Variants in ABCC12 observed in about 807,000 individuals in gnomAD.
The protein encoded by ABCC12 is ATP binding cassette subfamily C member 12.
In ABCC12, 142 loss-of-function variants were observed where a neutral mutation model predicts 151.1. The ratio of observed to expected loss-of-function variants is 0.94; its 90% CI spans 0.82 to 1.08. The LOEUF is 1.08. Ranked by LOEUF, ABCC12 falls within the 50% of genes least tolerant of loss-of-function variation. The pLI, the probability that ABCC12 is intolerant of heterozygous loss-of-function variation, is 0.00. For missense variants in ABCC12, 1,638 were observed against 1,691.1 expected, an observed-to-expected ratio of 0.97 and a Z score of 0.55; for synonymous variants, 645 against 646.4, an observed-to-expected ratio of 1.00 and a Z score of 0.03.
chr16:48,102,752 C>T (rs948276028), intron 22 of ABCC12, among the ~76,000 whole-genome samples: 1 of 152,214 alleles, frequency 6.6e-6, no homozygotes, highest in Non-Finnish European at 1.5e-5. Context: ...ACATCCGAAA[C>T]TAAACTCGTA....
chr16:48,084,434 C>T (rs2150576800), intron 29 of ABCC12, among the ~76,000 whole-genome samples: 1 of 151,132 alleles, frequency 6.6e-6, no homozygotes, highest in South Asian at 2.1e-4. Context: ...CATTCATTCC[C>T]TATATTGCTG....
At chr16:48,137,751 T>A (rs1187335543) in intron 8 of ABCC12, among the ~76,000 whole-genome samples, 1 of 152,178 alleles carries the variant, frequency 6.6e-6, no homozygotes, top group Non-Finnish European at 1.5e-5. Flanking sequence ...ATATCAGCTT[T>A]AAAAAAAGTA....
chr16:48,140,956 C>G (rs372449698), intron 5 of ABCC12, 36 bp from the exon 6 acceptor site: 23 of 1,582,916 alleles, frequency 1.5e-5, no homozygotes, highest in East Asian at 2.2e-5. Context: ...GAGAGGGCCA[C>G]TGAGGGCTGA....
chr16:48,150,469 T>A (rs998350375), intron 2 of ABCC12, among the ~76,000 whole-genome samples: 8 of 152,120 alleles, frequency 5.3e-5, no homozygotes, highest in Non-Finnish European at 1.0e-4. Context: ...TATGATAAAT[T>A]GAGAGGAGGG....
intron 8 of ABCC12, among the ~76,000 whole-genome samples, chr16:48,136,496 C>T (rs574982803): frequency 1.6e-4 from 25 of 152,236 alleles, no homozygotes; most frequent in Non-Finnish European, 3.1e-4. Context: ...CTGATGTCTA[C>T]TACATGCCAG....
In ABCC12 at chr16:48,124,158, C is replaced by T. The variant is rs548914493; in HGVS notation, c.1587+55G>A. 2.6e-5 allele frequency: 41 copies of T among 1,568,120 alleles called. 1 individual carries two copies. In the South Asian group the frequency reaches 4.0e-4, roughly 15 times the overall value. ...GGGTCCACGCCTGACCGGAAGGGAG[C>T]CATTTCATTGTCATGTTAATGTTCC... On this transcript the variant is annotated intron_variant, in intron 12 of 30. Transcript: ENST00000311303.
chr16:48,126,249 T>G (rs994352718), intron 11 of ABCC12, among the ~76,000 whole-genome samples: 11 of 152,178 alleles, frequency 7.2e-5, no homozygotes, highest in African/African-American at 2.7e-4. Context: ...TTGGCTGCCC[T>G]TTGAGTCCTA....
intron 2 of ABCC12, among the ~76,000 whole-genome samples, chr16:48,149,234 G>A (rs1965083679): frequency 1.9e-5 from 2 of 102,860 alleles, no homozygotes; most frequent in Admixed American, 1.0e-4. Flanking sequence ...ACACTAAATA[G>A]TAGATTAACC....
chr16:48,088,459 C>G (rs923295149), intron 26 of ABCC12, 86 bp downstream of exon 26: 22 of 1,440,572 alleles, frequency 1.5e-5, no homozygotes, highest in Non-Finnish European at 2.1e-5. Flanking sequence ...ACATACACAT[C>G]ACTCTCTGGT....
intron 11 of ABCC12, among the ~76,000 whole-genome samples, chr16:48,126,764 A>T (rs1964253102): frequency 6.6e-6 from 1 of 152,186 alleles, no homozygotes; most frequent in East Asian, 1.9e-4. Flanking sequence ...GAGGCATTGC[A>T]TTGCCCCCAC....
intron 18 of ABCC12, among the ~76,000 whole-genome samples, chr16:48,109,885 C>CT (rs760662314): frequency 2.6e-5 from 4 of 152,206 alleles, no homozygotes; most frequent in African/African-American, 7.2e-5. Flanking sequence ...GCAGTGTTGT[C>CT]TTTAACCAGT....
chr16:48,111,717 C>T, intron 16 of ABCC12, 55 bp from the exon 17 acceptor site: 1 of 1,613,984 alleles, frequency 6.2e-7, no homozygotes, highest in Admixed American at 1.7e-5. Context: ...CTCTCCCAGG[C>T]ACGAAATCCT....
At chr16:48,101,150 C>T in intron 22 of ABCC12, 141 bp from the exon 23 acceptor site, 1 of 1,050,770 alleles carries the variant, frequency 9.5e-7, no homozygotes, top group South Asian at 1.8e-5. Context: ...TGAAGAGCAG[C>T]CTGCCATTCT....
chr16:48,146,221 G>A, intron 3 of ABCC12, 85 bp downstream of exon 3: 1 of 1,181,216 alleles, frequency 8.5e-7, no homozygotes, highest in Non-Finnish European at 1.3e-6. Context: ...GCAGCAGATG[G>A]GTTGCAGGAG....
intron 7 of ABCC12, 129 bp from the exon 8 acceptor site, chr16:48,138,504 G>A (rs868784023): frequency 4.6e-6 from 5 of 1,088,294 alleles, no homozygotes; most frequent in Middle Eastern, 6.1e-4. Context: ...TCTCAGCCAA[G>A]TTCTTCCCTT....
At position 48,104,144 on chromosome 16, in the gene ABCC12, T is replaced by G. The variant is rs748873489; in HGVS notation, c.2898A>C (p.Leu966Phe). The change falls in exon 22 of 31, where the codon TTA becomes TTC. Residue 966 changes from leucine (L) to phenylalanine (F), a missense_variant and splice_region_variant. Physicochemically the swap from Leu to Phe is conservative, Grantham distance 22 (BLOSUM62 0). Transcript: ENST00000311303. ...ASLAVGFFIL[L>F]RIFHRGVQEL... ...GTGTAAATAGCACATGGGCCTACCG[T>G]AACAGAATGAAGAAGCCTACAGCAA... 12 of 1,613,756 alleles carry G rather than the reference T, an allele frequency of 7.4e-6. No homozygotes were observed. In the East Asian group the frequency reaches 2.7e-4, roughly 36 times the overall value.
Position 48,141,474 on chromosome 16 carries a change from C to T in ABCC12, c.276-121G>A. 3.9e-6 allele frequency: 5 copies of T among 1,285,588 alleles called. No individual in the cohort carries two copies. In the South Asian group the frequency reaches 5.6e-5, roughly 14 times the overall value. 79.6% of individuals were successfully genotyped at this position (1,285,588 alleles called of 1,614,324 possible). Reference sequence around the variant, plus strand: ...GAGCCCCCCTCCCTGGCAGTGGTGCCTTCCAGCACTGGCTCAGCTTTCTGC... The same window carrying T: ...GAGCCCCCCTCCCTGGCAGTGGTGCTTTCCAGCACTGGCTCAGCTTTCTGC... On this transcript the variant is annotated intron_variant, in intron 4 of 30. Transcript: ENST00000311303.
Position 48,087,068 on chromosome 16 carries a change from C to T in ABCC12, c.3636-249G>A, listed in dbSNP as rs571452554. On this transcript the variant is annotated intron_variant, in intron 27 of 30. Transcript: ENST00000311303. ...CAGGCAATGACAGGTGGAACCCTGC[C>T]GAGAGGCAGCTCTGAGCAAGGTGCT... The T allele has an allele frequency of 3.8e-4, 158 of 418,230 alleles. 1 individual carries two copies. The highest frequency in any genetic ancestry group is 2.8e-3 in the African/African-American group (143 of 50,222). The allele number at this position is 418,230 out of a possible 1,614,324, so 25.9% of individuals were successfully genotyped here.
At chr16:48,094,403 T>C (rs1260058470) in intron 24 of ABCC12, among the ~76,000 whole-genome samples, 2 of 152,180 alleles carry the variant, frequency 1.3e-5, no homozygotes, top group African/African-American at 4.8e-5. Context: ...TTCTGCAAGA[T>C]GGAAAGAGGA....
Sources: gnomAD v4.1 joint callset for allele counts (sites outside exome capture counted in the v4.1 genomes callset) on GRCh38, gnomAD v4.1.1 for gene constraint, MANE v1.5 for transcripts, NCBI Gene and HGNC (gene_info 2026-07-23, HGNC 2026-07-21) for gene names.